The following DACH1 variants were observed in gnomAD, a reference collection of about 807,000 sequenced individuals.
DACH1 encodes the protein dachshund family transcription factor 1.
Under a neutral mutation model 54.2 loss-of-function variants are expected in DACH1, and 12 were observed. The ratio of observed to expected loss-of-function variants is 0.22; its 90% CI spans 0.14 to 0.36. DACH1 has a LOEUF of 0.36. Among genes scored for constraint, DACH1 ranks in the 10% least tolerant of loss-of-function variants. The probability of loss-of-function intolerance (pLI) is 1.00; values close to 1 mark genes in which losing one functional copy is unlikely to be tolerated. For missense variants in DACH1, 805 were observed against 929.8 expected (o/e 0.87, Z 1.75); for synonymous variants, 386 against 366.2 (o/e 1.05, Z -0.62).
chr13:71,800,071 T>G (rs778123493), intron 1 of DACH1, among the ~76,000 whole-genome samples: 26 of 152,100 alleles, frequency 1.7e-4, no homozygotes, highest in Admixed American at 2.0e-4. Context: ...ATTTTGGCCT[T>G]TCCGCTGACA....
intron 2 of DACH1, among the ~76,000 whole-genome samples, chr13:71,676,255 T>C (rs1880561441): frequency 1.3e-5 from 2 of 152,204 alleles, no homozygotes; most frequent in South Asian, 4.1e-4. Context: ...TGTTGTTCTC[T>C]TGTCCAGACT....
intron 2 of DACH1, among the ~76,000 whole-genome samples, chr13:71,665,625 A>G (rs1879781234): frequency 6.6e-6 from 1 of 152,050 alleles, no homozygotes; most frequent in Non-Finnish European, 1.5e-5. Context: ...AGTTTCTGAA[A>G]TTAGGATTAA....
chr13:71,500,363 G>A (rs1879807776), intron 6 of DACH1, among the ~76,000 whole-genome samples: 1 of 152,078 alleles, frequency 6.6e-6, no homozygotes, highest in African/African-American at 2.4e-5. Context: ...CTTCTTATCA[G>A]CTCTGCATAG....
intron 1 of DACH1, among the ~76,000 whole-genome samples, chr13:71,808,194 C>T (rs1887584287): frequency 2.0e-5 from 3 of 152,140 alleles, no homozygotes; most frequent in Admixed American, 2.0e-4. Context: ...CTGGCTTACA[C>T]AGATATCCCC....
In DACH1 at chr13:71,569,238, A is replaced by T. The variant is rs1325341475; in HGVS notation, c.1299+3602T>A. ...AGTTTGAGCTGCTTCAGTTTTCCAT[A>T]GTCTGAGATTCATGTGGGTTTGGGA... On this transcript the variant is annotated intron_variant, in intron 4 of 10. Transcript: ENST00000613252. 1.3e-5 allele frequency among the ~76,000 whole-genome samples: 2 copies of T among 151,922 alleles called. 1 individual carries two copies. Among genetic ancestry groups the T allele is most frequent in the Non-Finnish European group, 2.9e-5 (2 of 67,958 alleles).
intron 6 of DACH1, among the ~76,000 whole-genome samples, chr13:71,532,742 T>C (rs1882496294): frequency 6.6e-6 from 1 of 151,960 alleles, no homozygotes; most frequent in Non-Finnish European, 1.5e-5. Context: ...TGACTACAGC[T>C]TTAATAACCT....
At chr13:71,625,668 C>T (rs946164044) in intron 3 of DACH1, among the ~76,000 whole-genome samples, 10 of 151,796 alleles carry the variant, frequency 6.6e-5, no homozygotes, top group Admixed American at 2.0e-4. Context: ...ATTCTTGTAA[C>T]GATTACAAGT....
chr13:71,459,007 G>A (rs1251705460), intron 10 of DACH1, among the ~76,000 whole-genome samples: 3 of 151,570 alleles, frequency 2.0e-5, no homozygotes, highest in African/African-American at 7.3e-5. Flanking sequence ...AAAGTGAATT[G>A]GCTGCTACAG....
chr13:71,816,619 C>T (rs1467194272), intron 1 of DACH1, among the ~76,000 whole-genome samples: 9 of 138,126 alleles, frequency 6.5e-5, no homozygotes, highest in Admixed American at 6.5e-4. Context: ...TATATATACA[C>T]GTGTATATAT....
At chr13:71,473,189 T>C (rs183804976) in intron 10 of DACH1, among the ~76,000 whole-genome samples, 3 of 152,326 alleles carry the variant, frequency 2.0e-5, no homozygotes, top group Admixed American at 2.0e-4. Flanking sequence ...TTTTGACCAG[T>C]ACAACAATGG....
chr13:71,669,790 T>C (rs895343848), intron 2 of DACH1, among the ~76,000 whole-genome samples: 1 of 152,200 alleles, frequency 6.6e-6, no homozygotes, highest in Admixed American at 6.5e-5. Flanking sequence ...AAAACCTAAA[T>C]TGACTAGAAC....
Position 71,800,322 on chromosome 13 carries a change from G to A in DACH1, c.848+65600C>T, listed in dbSNP as rs558057534. ...TAGAAAGCTGAGAAATCTAATAGCC[G>A]GAGCACTAAAAAGAATAAAATAAAC... On this transcript the variant is annotated intron_variant, in intron 1 of 10. Coordinates refer to ENST00000613252, the MANE Select transcript of DACH1 (RefSeq NM_080759.6). 9.9e-5 allele frequency among the ~76,000 whole-genome samples: 15 copies of A among 152,096 alleles called. No homozygotes were observed. In the East Asian group the frequency reaches 1.4e-3, roughly 14 times the overall value.
chr13:71,811,047 A>C (rs1034985227), intron 1 of DACH1, among the ~76,000 whole-genome samples: 3 of 152,130 alleles, frequency 2.0e-5, no homozygotes, highest in Non-Finnish European at 1.5e-5. Context: ...GTTTGAAGAC[A>C]ATAAGAGAAA....
intron 1 of DACH1, among the ~76,000 whole-genome samples, chr13:71,748,175 A>G (rs1287530569): frequency 6.8e-6 from 1 of 146,044 alleles, no homozygotes; most frequent in South Asian, 2.2e-4. Flanking sequence ...TTGGGATCTG[A>G]AAAAAAAAAA....
chr13:71,616,882 T>A (rs1875812417), intron 3 of DACH1, among the ~76,000 whole-genome samples: 2 of 151,174 alleles, frequency 1.3e-5, no homozygotes, highest in Admixed American at 1.3e-4. Context: ...GGGTTCAATT[T>A]TTTTTTTTTT....
chr13:71,712,064 C>T lies in DACH1; in HGVS notation c.849-30154G>A, dbSNP rs985165149. On this transcript the variant is annotated intron_variant, in intron 1 of 10. Transcript: ENST00000613252. Reference sequence around the variant, plus strand: ...GTTATCTTGGTTCTATGTAATCCCCCCTTCACTTCTCATCTCTGGCATTGG... The same window carrying T: ...GTTATCTTGGTTCTATGTAATCCCCTCTTCACTTCTCATCTCTGGCATTGG... Among the ~76,000 whole-genome samples the T allele has an allele frequency of 2.0e-5, 3 of 151,964 alleles. 1 individual carries two copies. The highest frequency in any genetic ancestry group is 2.0e-4 in the Admixed American group (3 of 15,252).
chr13:71,552,842 TAGAGAGAGAGAG>T (rs1167871695), intron 6 of DACH1, among the ~76,000 whole-genome samples: 30 of 12,534 alleles, frequency 2.4e-3, no homozygotes, highest in African/African-American at 7.1e-3. Context: ...TATATATATA[TAGAGAGAGAGAG>T]AGAGAGAGAG....
At chr13:71,838,026 G>GAAAAAAAAAAAA (rs147673906) in intron 1 of DACH1, among the ~76,000 whole-genome samples, 1 of 49,826 alleles carries the variant, frequency 2.0e-5, no homozygotes, top group Admixed American at 3.4e-4. Context: ...AGGGGGGAGG[G>GAAAAAAAAAAAA]AAAAAAAAAA....
chr13:71,528,079 T>A (rs1271471385), intron 6 of DACH1, among the ~76,000 whole-genome samples: 6 of 152,152 alleles, frequency 3.9e-5, no homozygotes, highest in Non-Finnish European at 8.8e-5. Flanking sequence ...ACAAATCTGA[T>A]AAAAATGAGA....
Sources: allele counts gnomAD v4.1 joint callset (sites outside exome capture counted in the v4.1 genomes callset), GRCh38; gene constraint gnomAD v4.1.1; transcripts MANE v1.5; gene names NCBI Gene and HGNC (gene_info 2026-07-23, HGNC 2026-07-21).